Variants in PPP1R12C observed in about 807,000 individuals in gnomAD.
PPP1R12C encodes protein phosphatase 1 regulatory subunit 12C, also known as leukocyte receptor cluster (LRC) encoded novel gene 3.
Under a neutral mutation model 95.6 loss-of-function variants are expected in PPP1R12C, and 48 were observed. The ratio of observed to expected loss-of-function variants is 0.50; its 90% CI spans 0.40 to 0.64. The LOEUF is 0.64. Among genes scored for constraint, PPP1R12C ranks in the 30% least tolerant of loss-of-function variants. PPP1R12C has a pLI of 0.00. For missense variants in PPP1R12C, 1,057 were observed against 1,083.3 expected (o/e 0.98, Z 0.34); for synonymous variants, 480 against 460.8 (o/e 1.04, Z -0.53).
Position 55,117,509 on chromosome 19 carries a change from C to T in PPP1R12C, c.35G>A (p.Gly12Glu), listed in dbSNP as rs2085169078. ...SGEDGPAAGP[G>E]AAAAAARERR... ...CTCCCGGGCAGCCGCCGCCGCCGCC[C>T]CCGGGCCAGCCGCCGGGCCATCCTC... The change falls in exon 1 of 22, where the codon GGG becomes GAG. Residue 12 changes from glycine (G) to glutamate (E), a missense_variant. Transcript: ENST00000263433. 7 of 1,027,296 alleles carry T rather than the reference C, an allele frequency of 6.8e-6. No individual in the cohort carries two copies. The highest frequency in any genetic ancestry group is 3.7e-5 in the South Asian group (1 of 27,204). The allele number at this position is 1,027,296 out of a possible 1,614,324, so 63.6% of individuals were successfully genotyped here.
intron 6 of PPP1R12C, chr19:55,096,785 C>G (rs1276222663): frequency 4.7e-6 from 1 of 211,940 alleles, no homozygotes; most frequent in Non-Finnish European, 8.8e-6. Flanking sequence ...GCCCCTTCCC[C>G]GCGCAGTTCA....
In PPP1R12C at chr19:55,109,585, G is replaced by A. The variant is rs1445779821; in HGVS notation, c.571+2882C>T. 1.3e-5 allele frequency among the ~76,000 whole-genome samples: 2 copies of A among 152,274 alleles called. No individual in the cohort carries two copies. The highest frequency in any genetic ancestry group is 2.9e-5 in the Non-Finnish European group (2 of 68,048). On this transcript the variant is annotated intron_variant, in intron 3 of 21. Transcript: ENST00000263433. The surrounding 1 kb of genome is among the most constrained non-coding windows in gnomAD (Gnocchi z 4.4). ...TCTCACTGAACCCCAGACCCAGAGA[G>A]AGGAAAACAGCAAGTAAGCCAGGGA... is the stretch of plus-strand genomic sequence containing the variant.
chr19:55,094,697 G>T lies in PPP1R12C; in HGVS notation c.1556C>A (p.Ser519Tyr). 1 of 1,608,724 alleles carries T rather than the reference G, an allele frequency of 6.2e-7. No homozygotes were observed. The change falls in exon 12 of 22, where the codon TCC becomes TAC. Residue 519 changes from serine to tyrosine, a missense_variant. This residue lies in a region of PPP1R12C where 356 missense variants were observed against 330.5 expected (regional missense o/e 1.08). Transcript: ENST00000263433. ...SPAKPNVPTA[S>Y]TAPPADSRDR... ...CCGGGAGTCCGCTGGGGGCGCCGTG[G>T]AGGCTGTGGGGACGTTTGGCTTCGC...
In PPP1R12C at chr19:55,092,786, C is replaced by G. The variant is rs371300615; in HGVS notation, c.1908G>C (p.Ala636=). The change falls in exon 16 of 22, where the codon GCG becomes GCC. Residue 636 remains alanine, a synonymous_variant. Transcript: ENST00000263433. The stretch of plus-strand genomic sequence containing the variant: ...CGGCCCCACCTGAGCCCCTCACCTC[C>G]GCAGGCCCCCTCCACTCCTTTCCGA... ...RKVGKEWRGP[A]EGEEAEPADR... is the part of the protein sequence containing the mutation. 2 of 1,555,948 alleles carry G rather than the reference C, an allele frequency of 1.3e-6. No individual in the cohort carries two copies. The highest frequency in any genetic ancestry group is 2.4e-5 in the East Asian group (1 of 41,280).
At position 55,098,710 on chromosome 19, in the gene PPP1R12C, C is replaced by G. The variant is rs553128129; in HGVS notation, c.951+74G>C. ...GGGTGTCAGAAGTCGGGGGGGTTCC[C>G]CCTCTGCACCCTCCTCTGAGGAGCT... On this transcript the variant is annotated intron_variant, in intron 6 of 21. Coordinates refer to ENST00000263433, the MANE Select transcript of PPP1R12C (RefSeq NM_017607.4). 5 of 1,573,272 alleles carry G rather than the reference C, an allele frequency of 3.2e-6. No homozygotes were observed. The Admixed American group carries it at 5.1e-5, about 16-fold the overall frequency.
Position 55,092,826 on chromosome 19 carries a change from C to T in PPP1R12C, c.1868G>A (p.Arg623Lys). The change falls in exon 16 of 22, where the codon AGG becomes AAG. Residue 623 changes from arginine to lysine, a missense_variant. Coordinates refer to ENST00000263433, the MANE Select transcript of PPP1R12C (RefSeq NM_017607.4). ...DGQGPGPQAA[R>K]EHRKVGKEWR... ...CTCCTTTCCGACCTTGCGGTGCTCC[C>T]TGGCCGCCTGCGGTCCCGGACCCTG... 2 of 1,566,626 alleles carry T rather than the reference C, an allele frequency of 1.3e-6. No homozygotes were observed. The highest frequency in any genetic ancestry group is 1.7e-6 in the Non-Finnish European group (2 of 1,156,032).
intron 1 of PPP1R12C, chr19:55,113,858 T>C (rs2085125605): frequency 5.5e-6 from 1 of 182,332 alleles, no homozygotes; most frequent in Non-Finnish European, 1.1e-5. Context: ...CCTTTCCCTT[T>C]CAAGGACCTG....
At chr19:55,096,384 C>T (rs1169837588) in intron 6 of PPP1R12C, 49 bp from the exon 7 acceptor site, 1 of 1,580,118 alleles carries the variant, frequency 6.3e-7, no homozygotes, top group Non-Finnish European at 8.7e-7. Flanking sequence ...CACACGTGCC[C>T]CACAGCAACA....
rs894821017 is a variant in PPP1R12C at position 55,091,383 on chromosome 19, G to A, written c.*89C>T. On this transcript the variant is annotated 3_prime_UTR_variant, in exon 22 of 22. Transcript: ENST00000263433. ...CTATGGCTTCTCTGAGACTTCCCCC[G>A]GAGCCCTGTCACTCGTGTTCACACG... 19 of 1,325,924 alleles carry A rather than the reference G, an allele frequency of 1.4e-5. No individual in the cohort carries two copies. The highest frequency in any genetic ancestry group is 7.5e-5 in the East Asian group (3 of 40,156). 82.1% of individuals were successfully genotyped at this position (1,325,924 alleles called of 1,614,324 possible). A position where few individuals can be genotyped will look rare whatever the true frequency, so the allele number is the denominator to read the frequency against.
At chr19:55,102,412 T>A (rs1266537583) in intron 4 of PPP1R12C, among the ~76,000 whole-genome samples, 1 of 152,226 alleles carries the variant, frequency 6.6e-6, no homozygotes, top group Non-Finnish European at 1.5e-5. Context: ...CTGGGGAGGC[T>A]GAGGCAGGAG....
rs575277411 is a variant in PPP1R12C, at chr19:55,091,397, C to A, written c.*75G>T. On this transcript the variant is annotated 3_prime_UTR_variant, in exon 22 of 22. Transcript: ENST00000263433. ...AGACTTCCCCCGGAGCCCTGTCACT[C>A]GTGTTCACACGGGGGAAGGGGTGCG... 16 of 1,412,776 alleles carry A rather than the reference C, an allele frequency of 1.1e-5. No homozygotes were observed. The African/African-American group carries it at 2.1e-4, about 19-fold the overall frequency. The allele number at this position is 1,412,776 out of a possible 1,614,324, so 87.5% of individuals were successfully genotyped here. A position where few individuals can be genotyped will look rare whatever the true frequency, so the allele number is the denominator to read the frequency against.
chr19:55,112,430 G>C (rs773911165), intron 3 of PPP1R12C, 37 bp downstream of exon 3: 1 of 1,562,584 alleles, frequency 6.4e-7, no homozygotes, highest in East Asian at 2.3e-5. Flanking sequence ...GGGTGAGGAG[G>C]TGTCCCCCAC....
Position 55,109,096 on chromosome 19 carries a change from G to A in PPP1R12C, c.571+3371C>T, listed in dbSNP as rs2085068868. Among the ~76,000 whole-genome samples, 1 of 152,094 alleles carries A rather than the reference G, an allele frequency of 6.6e-6. No homozygotes were observed. The highest frequency in any genetic ancestry group is 6.5e-5 in the Admixed American group (1 of 15,268). ...TATTGTGAACGATGCTATGAACACG[G>A]GTATATAAATTGCCTTTTTTGTTTT... is the stretch of plus-strand genomic sequence containing the variant. On this transcript the variant is annotated intron_variant, in intron 3 of 21. Transcript: ENST00000263433. This position sits in a 1 kb window ranked among gnomAD's most constrained non-coding sequence, Gnocchi z 4.4.
chr19:55,094,911 C>T (rs1472850282), intron 11 of PPP1R12C, 113 bp from the exon 12 acceptor site: 4 of 1,271,660 alleles, frequency 3.1e-6, no homozygotes, highest in Non-Finnish European at 3.3e-6. Flanking sequence ...AGAGTCAGAG[C>T]TGAGCAGAAA....
At chr19:55,092,758 G>C in intron 16 of PPP1R12C, 25 bp downstream of exon 16, 3 of 1,538,710 alleles carry the variant, frequency 1.9e-6, no homozygotes, top group African/African-American at 1.4e-5. Context: ...CTCTGCACCA[G>C]CTCGGCCCCA....
chr19:55,097,868 G>A (rs983077196), intron 6 of PPP1R12C, among the ~76,000 whole-genome samples: 24 of 152,106 alleles, frequency 1.6e-4, no homozygotes, highest in African/African-American at 5.8e-4. Flanking sequence ...CCTCATGGCC[G>A]TATCACCCTC....
chr19:55,092,861 C>T lies in PPP1R12C; in HGVS notation c.1833G>A (p.Ala611=), dbSNP rs781200521. The change falls in exon 16 of 22, where the codon GCG becomes GCA. Residue 611 remains alanine (A), a synonymous_variant. Coordinates refer to ENST00000263433, the MANE Select transcript of PPP1R12C (RefSeq NM_017607.4). ...NSDSPAQRAE[A]PDGQGPGPQA... ...GCGGTCCCGGACCCTGCCCGTCGGG[C>T]GCCTCTGCTGGGGGAGGGGCAGGAA... 3.6e-5 allele frequency: 57 copies of T among 1,586,760 alleles called. No individual in the cohort carries two copies. The highest frequency in any genetic ancestry group is 5.4e-5 in the African/African-American group (4 of 74,194).
rs950771571 is a variant in PPP1R12C at position 55,103,477 on chromosome 19, G to C, written c.663C>G (p.Ala221=). ...CAGAGGCGCCTGTGCGGGGGTGCCG[G>C]GCCTCTGGCATGGCGCCCCCATTCA... is the stretch of plus-strand genomic sequence containing the variant. ...CWLNGGAMPE[A]RHPRTGASAL... The change falls in exon 4 of 22, where the codon GCC becomes GCG. Residue 221 remains alanine, a synonymous_variant. Transcript: ENST00000263433. The C allele has an allele frequency of 1.2e-6, 2 of 1,600,914 alleles. No individual in the cohort carries two copies. The highest frequency in any genetic ancestry group is 3.4e-5 in the Admixed American group (2 of 59,288).
Position 55,112,458 on chromosome 19 carries a change from A to T in PPP1R12C, c.571+9T>A. ...TCCCCCACCCCACACACAGCACACC[A>T]GAGCCCACCTCGGCGGGCGATCTCC... On this transcript the variant is annotated intron_variant, in intron 3 of 21. Coordinates refer to ENST00000263433, the MANE Select transcript of PPP1R12C (RefSeq NM_017607.4). 1.2e-6 allele frequency: 2 copies of T among 1,608,852 alleles called. No individual in the cohort carries two copies. The highest frequency in any genetic ancestry group is 1.7e-6 in the Non-Finnish European group (2 of 1,179,022).
Sources: gnomAD v4.1 joint callset for allele counts (sites outside exome capture counted in the v4.1 genomes callset) on GRCh38, gnomAD v4.1.1 for gene constraint, gnomAD v4.1.1 regional missense constraint, Gnocchi (gnomAD v3.1) non-coding constraint, MANE v1.5 for transcripts, NCBI Gene and HGNC (gene_info 2026-07-23, HGNC 2026-07-21) for gene names.